PTPN21: variants seen among roughly 807,000 people sequenced by gnomAD.
PTPN21 encodes protein tyrosine phosphatase non-receptor type 21.
Under a neutral mutation model 131.8 loss-of-function variants are expected in PTPN21, and 77 were observed. The observed-to-expected ratio is 0.58, with a 90% confidence interval of 0.49 to 0.71. PTPN21 has a LOEUF of 0.71. Ranked by LOEUF, PTPN21 falls within the 30% of genes least tolerant of loss-of-function variation. The pLI is 0.00. For missense variants in PTPN21, 1,552 were observed against 1,527.1 expected (o/e 1.02, Z -0.27); for synonymous variants, 715 against 621.3 (o/e 1.15, Z -2.24).
At chr14:88,537,422 ACT>A (rs2078646232) in intron 2 of PTPN21, among the ~76,000 whole-genome samples, 1 of 152,002 alleles carries the variant, frequency 6.6e-6, no homozygotes, top group African/African-American at 2.4e-5. Flanking sequence ...AAATAAATAT[ACT>A]CTATTTTTAA....
In PTPN21 at chr14:88,507,992, C is replaced by A. The variant is rs778035350; in HGVS notation, c.379G>T (p.Asp127Tyr). 3.7e-5 allele frequency: 59 copies of A among 1,605,014 alleles called. No individual in the cohort carries two copies. The highest frequency in any genetic ancestry group is 4.7e-5 in the Non-Finnish European group (55 of 1,175,196). The change falls in exon 4 of 19, where the codon GAT (aspartate) becomes TAT (tyrosine). Residue 127 changes from aspartate to tyrosine, a missense_variant. By Grantham distance (160) the Asp-to-Tyr change is radical. This residue lies in a region of PTPN21 where 206 missense variants were observed against 221.6 expected (regional missense o/e 0.93). Transcript: ENST00000556564. ...CAAGGAATACTTCCTTCCAAGATAT[C>A]TTTCTTCAGTTGCAGATAATACTGA... ...RYQYYLQLKKDILEGSIPCTL... is the reference protein window; with the variant it reads ...RYQYYLQLKKYILEGSIPCTL...
chr14:88,528,282 A>G (rs1318469492), intron 2 of PTPN21, among the ~76,000 whole-genome samples: 2 of 152,180 alleles, frequency 1.3e-5, no homozygotes, highest in Non-Finnish European at 2.9e-5. Context: ...ATCCCTGAGC[A>G]TGGGATGTGT....
At position 88,479,265 on chromosome 14, in the gene PTPN21, C is replaced by A; in HGVS notation, c.2166G>T (p.Glu722Asp). ...EEEEDEDFEE[E>D]SGARAPPARA... ...GTGCAGGAGGCGCCCGGGCCCCGCT[C>A]TCCTCCTCGAAGTCCTCGTCCTCCT... Residue 722 changes from glutamate (E) to aspartate (D), a missense_variant, in exon 13 of 19, where the codon GAG becomes GAT. Physicochemically the swap from Glu to Asp is conservative, Grantham distance 45. Coordinates refer to ENST00000556564, the MANE Select transcript of PTPN21 (RefSeq NM_007039.4). 1 of 1,612,616 alleles carries A rather than the reference C, an allele frequency of 6.2e-7. No homozygotes were observed. Among genetic ancestry groups the A allele is most frequent in the Non-Finnish European group, 8.5e-7 (1 of 1,179,232 alleles).
intron 3 of PTPN21, among the ~76,000 whole-genome samples, chr14:88,508,855 G>A (rs2078137492): frequency 1.3e-5 from 2 of 152,148 alleles, no homozygotes; most frequent in Non-Finnish European, 2.9e-5. Flanking sequence ...GGTAATGTGG[G>A]TTTACTTCTG....
At position 88,479,839 on chromosome 14, in the gene PTPN21, C is replaced by A. The variant is rs757365875; in HGVS notation, c.1592G>T (p.Arg531Leu). 1.9e-6 allele frequency: 3 copies of A among 1,552,874 alleles called. No homozygotes were observed. The highest frequency in any genetic ancestry group is 2.6e-6 in the Non-Finnish European group (3 of 1,154,438). ...CACGCTGACCGCGCCCACCACGGGC[C>A]GCCGCTCGGCAGGGTAGGGGTAGGG... ...PSPYPYPAER[R>L]PVVGAVSVPE... Residue 531 changes from arginine (R) to leucine (L), a missense_variant, in exon 13 of 19, where the codon CGG becomes CTG. Arg to Leu is a moderately radical substitution (Grantham distance 102). Around this residue, in one of 4 missense-constraint regions of PTPN21, gnomAD observed 1,016 missense variants for 883.5 expected, o/e 1.15. Coordinates refer to ENST00000556564, the MANE Select transcript of PTPN21 (RefSeq NM_007039.4).
rs924796316 is a variant in PTPN21, at chr14:88,479,637, G to A, written c.1794C>T (p.Arg598=). 7.7e-6 allele frequency: 12 copies of A among 1,563,360 alleles called. 1 individual carries two copies. In the Admixed American group the frequency reaches 1.1e-4, roughly 14 times the overall value. Residue 598 remains arginine (R), a synonymous_variant, in exon 13 of 19, where the codon CGC becomes CGT. Coordinates refer to ENST00000556564, the MANE Select transcript of PTPN21 (RefSeq NM_007039.4). ...SSSNPDLITR[R]VHHSVQTFQE... ...GGAACGTTTGCACCGAGTGGTGCAC[G>A]CGCCGCGTGATGAGGTCGGGGTTGC...
chr14:88,535,123 TACTC>T (rs1439163998), intron 2 of PTPN21, among the ~76,000 whole-genome samples: 1 of 152,136 alleles, frequency 6.6e-6, no homozygotes, highest in African/African-American at 2.4e-5. Context: ...AGTACACAAA[TACTC>T]ACCATTGTTA....
chr14:88,507,779 G>T, intron 4 of PTPN21, 144 bp downstream of exon 4: 1 of 463,986 alleles, frequency 2.2e-6, no homozygotes, highest in Non-Finnish European at 3.6e-6. Context: ...CCAAAAGGAA[G>T]CCCCTTAGAT....
intron 8 of PTPN21, among the ~76,000 whole-genome samples, chr14:88,498,905 ATTTATTTAT>A (rs2077965955): frequency 3.3e-5 from 1 of 30,272 alleles, no homozygotes; most frequent in Non-Finnish European, 2.5e-4. Flanking sequence ...TCTCCATTAG[ATTTATTTAT>A]TTTAAATGTA....
At chr14:88,492,174 CTG>C (rs1375174041) in intron 10 of PTPN21, among the ~76,000 whole-genome samples, 1 of 152,168 alleles carries the variant, frequency 6.6e-6, no homozygotes, top group African/African-American at 2.4e-5. Context: ...AAGAAACAAA[CTG>C]AGGTAATAAT....
At chr14:88,497,421 AC>A in intron 8 of PTPN21, 131 bp from the exon 9 acceptor site, 1 of 713,060 alleles carries the variant, frequency 1.4e-6, no homozygotes, top group Non-Finnish European at 2.4e-6. Flanking sequence ...AAAACAAAAA[AC>A]AAAAAACACG....
intron 10 of PTPN21, among the ~76,000 whole-genome samples, chr14:88,495,797 G>A (rs1015361059): frequency 5.9e-5 from 9 of 152,134 alleles, no homozygotes; most frequent in Non-Finnish European, 1.2e-4. Context: ...GCGGTCAAGT[G>A]AGAGAACTCA....
Position 88,550,440 on chromosome 14 carries a change from A to G in PTPN21, c.-23T>C, listed in dbSNP as rs1019971908. On this transcript the variant is annotated 5_prime_UTR_variant, in exon 2 of 19. Coordinates refer to ENST00000556564, the MANE Select transcript of PTPN21 (RefSeq NM_007039.4). Reference sequence around the variant, plus strand: ...CATCTTCTTCTTTCTTCAAGAATGGAGGAGCAAAGAGGGAAAAGCTACCCC... The same window carrying G: ...CATCTTCTTCTTTCTTCAAGAATGGGGGAGCAAAGAGGGAAAAGCTACCCC... 1.2e-6 allele frequency: 2 copies of G among 1,605,266 alleles called. No individual in the cohort carries two copies. The highest frequency in any genetic ancestry group is 1.7e-4 in the Middle Eastern group (1 of 6,048).
chr14:88,529,406 C>T (rs1035334598), intron 2 of PTPN21, among the ~76,000 whole-genome samples: 3 of 152,062 alleles, frequency 2.0e-5, no homozygotes, highest in African/African-American at 4.8e-5. Context: ...CTATGTTCAT[C>T]AGGGATACTG....
intron 3 of PTPN21, among the ~76,000 whole-genome samples, chr14:88,512,912 C>T (rs1000211238): frequency 1.1e-4 from 16 of 152,118 alleles, no homozygotes; most frequent in African/African-American, 3.1e-4. Context: ...CTTACAGTGA[C>T]GCTGACATTG....
chr14:88,479,892 G>C lies in PTPN21; in HGVS notation c.1539C>G (p.Ser513Arg). ...PSPAAAHCPF[S>R]LSYSFHSPSP... is the part of the protein sequence containing the mutation. ...ACGGGCTGTGGAAGCTGTAGCTCAG[G>C]CTGAACGGGCAGTGTGCGGCCGCTG... is the stretch of plus-strand genomic sequence containing the variant. Residue 513 changes from serine (S) to arginine (R), a missense_variant, in exon 13 of 19, where the codon AGC becomes AGG. Ser to Arg is a moderately radical substitution (Grantham distance 110). Around this residue, in one of 4 missense-constraint regions of PTPN21, gnomAD observed 1,016 missense variants for 883.5 expected, o/e 1.15. Transcript: ENST00000556564. 1.3e-6 allele frequency: 2 copies of C among 1,592,050 alleles called. No homozygotes were observed. Among genetic ancestry groups the C allele is most frequent in the Non-Finnish European group, 1.7e-6 (2 of 1,173,382 alleles).
chr14:88,521,162 A>T (rs576441824), intron 2 of PTPN21, among the ~76,000 whole-genome samples: 40 of 152,182 alleles, frequency 2.6e-4, no homozygotes, highest in Admixed American at 7.9e-4. Context: ...CTATATTTTT[A>T]AAAATATCAT....
chr14:88,469,368 T>C lies in PTPN21; in HGVS notation c.3235+131A>G. On this transcript the variant is annotated intron_variant, in intron 17 of 18. Coordinates refer to ENST00000556564, the MANE Select transcript of PTPN21 (RefSeq NM_007039.4). The surrounding 1 kb of genome is among the most constrained non-coding windows in gnomAD (Gnocchi z 4.3). ...GTTAACCCTCCCCAAAACACTTGTA[T>C]TCTTTATGTTAAAACAAGTCCGAAG... 1 of 872,316 alleles carries C rather than the reference T, an allele frequency of 1.1e-6. No individual in the cohort carries two copies. The highest frequency in any genetic ancestry group is 1.7e-6 in the Non-Finnish European group (1 of 574,972). 54.0% of individuals were successfully genotyped at this position (872,316 alleles called of 1,614,324 possible).
chr14:88,537,011 A>G (rs955909248), intron 2 of PTPN21, among the ~76,000 whole-genome samples: 2 of 152,154 alleles, frequency 1.3e-5, no homozygotes, highest in Non-Finnish European at 2.9e-5. Flanking sequence ...GCCTCAAAGC[A>G]GGCAGCATTT....
Sources: allele counts gnomAD v4.1 joint callset (sites outside exome capture counted in the v4.1 genomes callset), GRCh38; gene constraint gnomAD v4.1.1; regional missense constraint gnomAD v4.1.1; non-coding constraint Gnocchi (gnomAD v3.1); transcripts MANE v1.5; gene names NCBI Gene and HGNC (gene_info 2026-07-23, HGNC 2026-07-21).